The following DLC1 variants were observed in gnomAD, a reference collection of about 807,000 sequenced individuals.
The protein encoded by DLC1 is DLC1 Rho GTPase activating protein.
In DLC1, 54 loss-of-function variants were observed where a neutral mutation model predicts 140.3. The observed-to-expected ratio is 0.38, with a 90% confidence interval of 0.31 to 0.48. The LOEUF is 0.48. Ranked by LOEUF, DLC1 falls within the 20% of genes least tolerant of loss-of-function variation. The probability of loss-of-function intolerance (pLI) is 0.96; values close to 1 mark genes in which losing one functional copy is unlikely to be tolerated. For synonymous variants in DLC1, 986 were observed against 728.1 expected (o/e 1.35, Z -5.70); for missense variants, 2,536 against 1,907.0 (o/e 1.33, Z -6.14).
chr8:13,339,087 T>C (rs1401509326), intron 4 of DLC1, among the ~76,000 whole-genome samples: 2 of 152,240 alleles, frequency 1.3e-5, no homozygotes, highest in South Asian at 4.1e-4. Flanking sequence ...TGCAGAATGA[T>C]TGGTAATGAA....
intron 4 of DLC1, among the ~76,000 whole-genome samples, chr8:13,317,585 C>G (rs1832908913): frequency 2.0e-5 from 3 of 151,822 alleles, no homozygotes; most frequent in South Asian, 2.1e-4. Flanking sequence ...TTTTTTTGAC[C>G]AATATCACTG....
chr8:13,098,213 G>C (rs565589268), intron 10 of DLC1, among the ~76,000 whole-genome samples, 186 bp downstream of exon 10: 71 of 152,062 alleles, frequency 4.7e-4, no homozygotes, highest in African/African-American at 1.7e-3. Context: ...CTACGTAACA[G>C]AGCAAGACCC....
intron 5 of DLC1, among the ~76,000 whole-genome samples, chr8:13,253,966 A>G (rs962854684): frequency 6.6e-5 from 10 of 152,184 alleles, no homozygotes; most frequent in Admixed American, 4.6e-4. Flanking sequence ...GTAACCATCT[A>G]ACGTTTGGGT....
chr8:13,165,845 C>G (rs948600826), intron 5 of DLC1, among the ~76,000 whole-genome samples: 1 of 152,146 alleles, frequency 6.6e-6, no homozygotes, highest in African/African-American at 2.4e-5. Flanking sequence ...TCCTCAAGCA[C>G]AGACCCATAT....
intron 4 of DLC1, among the ~76,000 whole-genome samples, chr8:13,309,876 T>C (rs1832602185): frequency 2.0e-5 from 3 of 152,218 alleles, no homozygotes; most frequent in Non-Finnish European, 4.4e-5. Context: ...ACCAATTTCT[T>C]CCTGATGACT....
intron 1 of DLC1, among the ~76,000 whole-genome samples, chr8:13,539,207 G>GTATA (rs1330933976): frequency 1.8e-4 from 28 of 151,882 alleles, no homozygotes; most frequent in African/African-American, 6.8e-4. Flanking sequence ...ATGTATGTAT[G>GTATA]TATTTATTTT....
At chr8:13,220,519 T>C (rs1382496433) in intron 5 of DLC1, among the ~76,000 whole-genome samples, 2 of 152,156 alleles carry the variant, frequency 1.3e-5, no homozygotes, top group African/African-American at 4.8e-5. Context: ...TAAATTTAAC[T>C]ATCAATAAGT....
At chr8:13,290,628 C>G (rs529641733) in intron 5 of DLC1, among the ~76,000 whole-genome samples, 37 of 152,052 alleles carry the variant, frequency 2.4e-4, no homozygotes, top group Non-Finnish European at 4.4e-4. Flanking sequence ...TAAAAGGATG[C>G]CAGCCTTATA....
At chr8:13,459,951 A>G (rs183145580) in intron 2 of DLC1, among the ~76,000 whole-genome samples, 90 of 152,232 alleles carry the variant, frequency 5.9e-4, no homozygotes, top group African/African-American at 2.1e-3. Context: ...TGTGCCGGGA[A>G]GGACCTCCTG....
intron 9 of DLC1, 27 bp from the exon 10 acceptor site, chr8:13,098,602 A>G (rs1400148424): frequency 6.3e-6 from 10 of 1,598,560 alleles, no homozygotes; most frequent in Non-Finnish European, 8.5e-6. Context: ...GAGGAAAATG[A>G]GTGTGAAGCC....
At chr8:13,325,682 A>C (rs1435113455) in intron 4 of DLC1, among the ~76,000 whole-genome samples, 1 of 152,240 alleles carries the variant, frequency 6.6e-6, no homozygotes, top group Non-Finnish European at 1.5e-5. Context: ...AGGAACTTAC[A>C]GAATAAAGAA....
intron 5 of DLC1, among the ~76,000 whole-genome samples, chr8:13,172,374 G>A (rs1188271347): frequency 1.3e-5 from 2 of 152,336 alleles, no homozygotes; most frequent in East Asian, 3.9e-4. Context: ...TCAGTACCTT[G>A]TAGTGCTGGG....
At chr8:13,086,149 A>G in intron 17 of DLC1, 141 bp downstream of exon 17, 1 of 1,349,336 alleles carries the variant, frequency 7.4e-7, no homozygotes, top group African/African-American at 1.5e-5. Flanking sequence ...CAAACATGAA[A>G]TGCTACTTTC....
At chr8:13,248,466 A>G (rs1368612513) in intron 5 of DLC1, among the ~76,000 whole-genome samples, 2 of 152,082 alleles carry the variant, frequency 1.3e-5, no homozygotes, top group Non-Finnish European at 2.9e-5. Context: ...TGAGGCCGTC[A>G]AGTTCATGTC....
chr8:13,176,102 A>G (rs2116950467), intron 5 of DLC1, among the ~76,000 whole-genome samples: 1 of 152,256 alleles, frequency 6.6e-6, no homozygotes, highest in South Asian at 2.1e-4. Flanking sequence ...CTGGATATAA[A>G]CTTCTTTTTT....
chr8:13,599,375 C>G (rs1323896985), intron 1 of DLC1, among the ~76,000 whole-genome samples: 3 of 151,772 alleles, frequency 2.0e-5, no homozygotes, highest in Non-Finnish European at 2.9e-5. Context: ...AAAACCTGTA[C>G]AAATCAATAT....
intron 5 of DLC1, among the ~76,000 whole-genome samples, chr8:13,123,471 G>A (rs1418036777): frequency 2.0e-5 from 3 of 150,944 alleles, no homozygotes; most frequent in South Asian, 2.1e-4. Flanking sequence ...CTCCTGAGTA[G>A]CTGGGGCTAC....
chr8:13,543,771 T>G (rs573705755), intron 1 of DLC1, among the ~76,000 whole-genome samples: 9 of 152,256 alleles, frequency 5.9e-5, no homozygotes, highest in African/African-American at 1.7e-4. Context: ...TGTTCTCATC[T>G]GTAATTGGGA....
chr8:13,393,608 G>A lies in DLC1; in HGVS notation c.1259C>T (p.Thr420Met), dbSNP rs528243762. Residue 420 changes from threonine to methionine, a missense_variant, in exon 4 of 18, where the codon ACG becomes ATG. Transcript: ENST00000276297. ...RVNLSSDTESTDLPSSTPVAN... is the reference protein window; with the variant it reads ...RVNLSSDTESMDLPSSTPVAN... ...TACTGGAGTGGAAGATGGGAGGTCC[G>A]TGGACTCAGTGTCAGAAGACAAATT... 27 of 1,614,118 alleles carry A rather than the reference G, an allele frequency of 1.7e-5. No homozygotes were observed. Among genetic ancestry groups the A allele is most frequent in the African/African-American group, 5.3e-5 (4 of 75,026 alleles).
Sources: allele counts gnomAD v4.1 joint callset (sites outside exome capture counted in the v4.1 genomes callset), GRCh38; gene constraint gnomAD v4.1.1; transcripts MANE v1.5; gene names NCBI Gene and HGNC (gene_info 2026-07-23, HGNC 2026-07-21).